Variants in SDK1 observed in about 807,000 individuals in gnomAD.
The protein encoded by SDK1 is protein sidekick-1.
A neutral mutation model predicts 245.5 loss-of-function variants in SDK1; 157 were observed. The observed-to-expected ratio is 0.64, with a 90% CI of 0.56 to 0.73. The LOEUF (loss-of-function observed/expected upper bound fraction) is 0.73. Ranked by LOEUF, SDK1 falls within the 30% of genes least tolerant of loss-of-function variation. The pLI is 0.00. For synonymous variants in SDK1, 1,647 were observed against 1,278.5 expected (o/e 1.29, Z -6.15); for missense variants, 3,583 against 3,002.3 (o/e 1.19, Z -4.52).
At position 3,843,159 on chromosome 7, in the gene SDK1, C is replaced by A. The variant is rs17133925; in HGVS notation, c.847+21576C>A. Reference sequence around the variant, plus strand: ...GGAACCCTGGGCTTTGCTGAACTCACAGGCATGGACACCAATCTTAAGCTG... The same window carrying A: ...GGAACCCTGGGCTTTGCTGAACTCAAAGGCATGGACACCAATCTTAAGCTG... On this transcript the variant is annotated intron_variant, in intron 5 of 44. Coordinates refer to ENST00000404826, the MANE Select transcript of SDK1 (RefSeq NM_152744.4). Among the ~76,000 whole-genome samples, 1,081 of 152,290 alleles carry A rather than the reference C, an allele frequency of 7.1e-3. 14 individuals are homozygous for A. Among genetic ancestry groups the A allele is most frequent in the African/African-American group, 0.024 (1,012 of 41,562 alleles).
chr7:4,212,575 G>A (rs547270366), intron 38 of SDK1, among the ~76,000 whole-genome samples: 11 of 152,298 alleles, frequency 7.2e-5, no homozygotes, highest in African/African-American at 2.2e-4. Context: ...GTGACCTTCC[G>A]AGTGCCCAGC....
chr7:3,802,925 A>G (rs1259703340), intron 4 of SDK1, among the ~76,000 whole-genome samples: 1 of 152,214 alleles, frequency 6.6e-6, no homozygotes, highest in Non-Finnish European at 1.5e-5. Context: ...TAAAGCTGCT[A>G]TGAACATTTC....
intron 35 of SDK1, among the ~76,000 whole-genome samples, chr7:4,182,708 G>A (rs1782668404): frequency 6.6e-6 from 1 of 152,222 alleles, no homozygotes; most frequent in African/African-American, 2.4e-5. Context: ...CATGTTCTAA[G>A]CTGGTCTTTC....
chr7:3,614,036 C>A (rs1781686407), intron 1 of SDK1, among the ~76,000 whole-genome samples: 1 of 152,096 alleles, frequency 6.6e-6, no homozygotes, highest in Non-Finnish European at 1.5e-5. Flanking sequence ...AGGCTTAATA[C>A]CTGGGTGATG....
chr7:3,933,181 G>A (rs950625163), intron 5 of SDK1, among the ~76,000 whole-genome samples: 1 of 129,076 alleles, frequency 7.7e-6, no homozygotes, highest in Non-Finnish European at 1.5e-5. Flanking sequence ...CTTGATCATA[G>A]CTCACTACAG....
At chr7:3,585,664 G>A (rs1027417865) in intron 1 of SDK1, among the ~76,000 whole-genome samples, 2 of 152,176 alleles carry the variant, frequency 1.3e-5, no homozygotes, top group African/African-American at 4.8e-5. Flanking sequence ...CATACAGCAG[G>A]TGTGCTGAGG....
At chr7:3,672,599 T>C (rs1023260380) in intron 4 of SDK1, among the ~76,000 whole-genome samples, 6 of 141,686 alleles carry the variant, frequency 4.2e-5, no homozygotes, top group African/African-American at 1.6e-4. Context: ...ATATATAATA[T>C]ATATATTTAT....
chr7:3,497,640 C>T (rs996442209), intron 1 of SDK1, among the ~76,000 whole-genome samples: 4 of 152,048 alleles, frequency 2.6e-5, no homozygotes, highest in Non-Finnish European at 5.9e-5. Flanking sequence ...CACAGTATGG[C>T]GCCTGTTAAG....
chr7:3,342,496 G>A (rs1780374563), intron 1 of SDK1, among the ~76,000 whole-genome samples: 1 of 152,106 alleles, frequency 6.6e-6, no homozygotes. Flanking sequence ...GCTGAGGCAG[G>A]AGACTCGCTT....
At chr7:3,937,505 G>A (rs1051947773) in intron 5 of SDK1, among the ~76,000 whole-genome samples, 2 of 152,180 alleles carry the variant, frequency 1.3e-5, no homozygotes, top group African/African-American at 4.8e-5. Context: ...GGAGGCTTTT[G>A]TGGACATTAA....
At chr7:3,461,183 C>A (rs1780820555) in intron 1 of SDK1, among the ~76,000 whole-genome samples, 1 of 152,142 alleles carries the variant, frequency 6.6e-6, no homozygotes, top group Non-Finnish European at 1.5e-5. Context: ...CCCTAGGACC[C>A]AGCATTTACC....
chr7:3,555,703 G>C (rs1315093786), intron 1 of SDK1, among the ~76,000 whole-genome samples: 1 of 152,008 alleles, frequency 6.6e-6, no homozygotes, highest in East Asian at 1.9e-4. Context: ...GCATATATAA[G>C]GAGTTCAAGC....
At chr7:3,375,588 G>T (rs765707607) in intron 1 of SDK1, among the ~76,000 whole-genome samples, 2 of 152,130 alleles carry the variant, frequency 1.3e-5, no homozygotes, top group Non-Finnish European at 2.9e-5. Flanking sequence ...TCTGTCTTGT[G>T]CTCCCTTGCA....
At chr7:3,424,798 G>C (rs911199131) in intron 1 of SDK1, among the ~76,000 whole-genome samples, 30 of 152,074 alleles carry the variant, frequency 2.0e-4, no homozygotes, top group African/African-American at 7.0e-4. Context: ...TTGGGAGACT[G>C]AGGCATGAGG....
intron 4 of SDK1, among the ~76,000 whole-genome samples, chr7:3,751,100 CTGT>C (rs956581622): frequency 1.3e-5 from 2 of 152,192 alleles, no homozygotes; most frequent in African/African-American, 4.8e-5. Flanking sequence ...GACCTTCTTG[CTGT>C]TGTTGGTCCC....
chr7:4,117,029 A>G (rs2128192945), intron 25 of SDK1, among the ~76,000 whole-genome samples: 1 of 152,352 alleles, frequency 6.6e-6, no homozygotes, highest in Non-Finnish European at 1.5e-5. Flanking sequence ...CACTGTCTGA[A>G]TCTTTGTGAC....
At chr7:4,067,627 G>T (rs563222497) in intron 19 of SDK1, among the ~76,000 whole-genome samples, 1 of 152,298 alleles carries the variant, frequency 6.6e-6, no homozygotes, top group Non-Finnish European at 1.5e-5. Flanking sequence ...GCCCTGTGTG[G>T]CTGGGATGAA....
At chr7:3,600,438 C>T (rs1307233082) in intron 1 of SDK1, among the ~76,000 whole-genome samples, 1 of 151,900 alleles carries the variant, frequency 6.6e-6, no homozygotes, top group Non-Finnish European at 1.5e-5. Context: ...AGTGGCGAGA[C>T]CTTCCTATAC....
chr7:4,167,339 G>A (rs1450696034), intron 32 of SDK1, among the ~76,000 whole-genome samples: 2 of 152,096 alleles, frequency 1.3e-5, no homozygotes, highest in Non-Finnish European at 2.9e-5. Context: ...AACCCAGGAG[G>A]TTGCAGTGAG....
Sources: allele counts gnomAD v4.1 joint callset (sites outside exome capture counted in the v4.1 genomes callset), GRCh38; gene constraint gnomAD v4.1.1; transcripts MANE v1.5; gene names NCBI Gene and HGNC (gene_info 2026-07-23, HGNC 2026-07-21).